The following C3orf52 variants were observed in gnomAD, a reference collection of about 807,000 sequenced individuals.
C3orf52 encodes chromosome 3 open reading frame 52, also known as TPA-induced transmembrane protein.
C3orf52 carries 22 observed loss-of-function variants against 24.8 expected under a neutral mutation model. That is an observed-to-expected ratio of 0.89 (90% CI 0.63 to 1.27). The LOEUF (loss-of-function observed/expected upper bound fraction) is 1.27, where lower values mean the gene tolerates loss of function less well. Ranked by LOEUF, C3orf52 falls within the 50% of genes most tolerant of loss-of-function variation. The pLI, the probability that C3orf52 is intolerant of heterozygous loss-of-function variation, is 0.00. For synonymous variants in C3orf52, 93 were observed against 100.2 expected (o/e 0.93, Z 0.43); for missense variants, 265 against 260.7 (o/e 1.02, Z -0.11).
At position 112,118,052 on chromosome 3, in the gene C3orf52, G is replaced by C. The variant is rs751742486; in HGVS notation, c.*1406G>C. ...AGATCATTGTCTCATTTTAGTGATT[G>C]TTCCTTAAACTAGTGAAACTAGTGG... On this transcript the variant is annotated 3_prime_UTR_variant, in exon 6 of 6. Transcript: ENST00000264848. 5 of 152,182 alleles carry C rather than the reference G, an allele frequency of 3.3e-5. No homozygotes were observed. The highest frequency in any genetic ancestry group is 7.3e-5 in the Non-Finnish European group (5 of 68,040). 9.4% of individuals were successfully genotyped at this position (152,182 alleles called of 1,614,324 possible).
At position 112,093,356 on chromosome 3, in the gene C3orf52, C is replaced by G. The variant is rs1393535294; in HGVS notation, c.139-4C>G. The G allele has an allele frequency of 1.2e-6, 2 of 1,613,608 alleles. No homozygotes were observed. The highest frequency in any genetic ancestry group is 1.7e-6 in the Non-Finnish European group (2 of 1,179,684). On this transcript the variant is annotated splice_polypyrimidine_tract_variant and splice_region_variant and intron_variant, in intron 1 of 5. Coordinates refer to ENST00000264848, the MANE Select transcript of C3orf52 (RefSeq NM_024616.3). ...TGCCTCACAATCTCCCTCTGCCTTT[C>G]TAGGCTAACAAGGAAAGCCCCTGGA...
intron 4 of C3orf52, among the ~76,000 whole-genome samples, chr3:112,110,451 T>C (rs1263783294): frequency 6.6e-6 from 1 of 152,248 alleles, no homozygotes; most frequent in African/African-American, 2.4e-5. Flanking sequence ...TTCCCTTCCA[T>C]GGAGGTAATA....
intron 2 of C3orf52, among the ~76,000 whole-genome samples, chr3:112,094,184 G>A (rs1420634648): frequency 3.3e-5 from 5 of 152,074 alleles, no homozygotes; most frequent in East Asian, 3.9e-4. Context: ...TAGTAGAGAC[G>A]GGGTTTTGCC....
intron 3 of C3orf52, among the ~76,000 whole-genome samples, chr3:112,108,314 T>G (rs978653914): frequency 1.1e-3 from 175 of 152,286 alleles, no homozygotes; most frequent in African/African-American, 3.8e-3. Flanking sequence ...TATTTTATAC[T>G]CCTCGGAGTG....
At chr3:112,090,725 A>G (rs1230158620) in intron 1 of C3orf52, among the ~76,000 whole-genome samples, 2 of 152,226 alleles carry the variant, frequency 1.3e-5, no homozygotes, top group African/African-American at 4.8e-5. Context: ...AAGGGACAGC[A>G]TAAATAAAGG....
rs1158089523 is a variant in C3orf52, at chr3:112,102,950, C to T, written c.381C>T (p.His127=). ...EECVAEEELP[H]LLTERLTDVY... The stretch of plus-strand genomic sequence containing the variant: ...GTGTTGCTGAAGAGGAATTGCCTCA[C>T]CTGCTCACCGAAAGGGTAATTCCAT... The change falls in exon 3 of 6, where the codon CAC becomes CAT. Residue 127 remains histidine (H), a synonymous_variant. Transcript: ENST00000264848. 7 of 1,612,468 alleles carry T rather than the reference C, an allele frequency of 4.3e-6. No homozygotes were observed. Among genetic ancestry groups the T allele is most frequent in the East Asian group, 4.5e-5 (2 of 44,858 alleles).
chr3:112,109,370 A>G (rs2074056376), intron 3 of C3orf52, among the ~76,000 whole-genome samples, 173 bp from the exon 4 acceptor site: 1 of 152,134 alleles, frequency 6.6e-6, no homozygotes, highest in Admixed American at 6.5e-5. Context: ...AGTAGCATTA[A>G]CTTGAGTTTT....
downstream of C3orf52, chr3:112,134,044 G>A (rs1463854483): frequency 6.6e-6 from 1 of 152,320 alleles, no homozygotes; most frequent in African/African-American, 2.4e-5. Context: ...AACATCAAGA[G>A]GAGAAGAAGC....
At chr3:112,133,121 C>T (rs753406337), downstream of C3orf52, 1 of 1,613,786 alleles carries the variant, frequency 6.2e-7, no homozygotes, top group Non-Finnish European at 8.5e-7. Flanking sequence ...AATTTCCCAT[C>T]CTCTCAGTCC....
chr3:112,110,207 C>T (rs929542526), intron 4 of C3orf52, among the ~76,000 whole-genome samples: 1 of 151,972 alleles, frequency 6.6e-6, no homozygotes, highest in African/African-American at 2.4e-5. Context: ...GTGGGTGCCT[C>T]TAATCCCAGC....
chr3:112,125,289 T>C, intron 4 of C3orf52: 1 of 1,486,874 alleles, frequency 6.7e-7, no homozygotes, highest in Non-Finnish European at 9.4e-7. Context: ...GAATTTCAGG[T>C]TATGGGGAGA....
At position 112,111,244 on chromosome 3, in the gene C3orf52, G is replaced by A. The variant is rs567389163; in HGVS notation, c.467+1631G>A. ...CAGACCCAGTGTACATGGTACTTACGGTGACATCTCTGCACTTTATTTCAA... is the reference window on the plus strand; with the variant it reads ...CAGACCCAGTGTACATGGTACTTACAGTGACATCTCTGCACTTTATTTCAA... On this transcript the variant is annotated intron_variant, in intron 4 of 5. Coordinates refer to ENST00000264848, the MANE Select transcript of C3orf52 (RefSeq NM_024616.3). Among the ~76,000 whole-genome samples the A allele has an allele frequency of 5.9e-5, 9 of 152,232 alleles. No individual in the cohort carries two copies. The East Asian group carries it at 1.2e-3, about 20-fold the overall frequency.
downstream of C3orf52, chr3:112,132,804 A>G (rs2074488770): frequency 1.3e-5 from 5 of 387,098 alleles, no homozygotes; most frequent in South Asian, 4.2e-4. Context: ...AAGTTGTTTC[A>G]TTTCTTAGGT....
chr3:112,117,669 A>G lies in C3orf52; in HGVS notation c.*1023A>G, dbSNP rs1018472549. 3 of 152,232 alleles carry G rather than the reference A, an allele frequency of 2.0e-5. No individual in the cohort carries two copies. The highest frequency in any genetic ancestry group is 2.1e-4 in the South Asian group (1 of 4,828). 9.4% of individuals were successfully genotyped at this position (152,232 alleles called of 1,614,324 possible). A position where few individuals can be genotyped will look rare whatever the true frequency, so the allele number is the denominator to read the frequency against. On this transcript the variant is annotated 3_prime_UTR_variant, in exon 6 of 6. Coordinates refer to ENST00000264848, the MANE Select transcript of C3orf52 (RefSeq NM_024616.3). Reference sequence around the variant, plus strand: ...CTGTTACAGATGGTTGTGATACAAGAAGAACCACTCTTCTTTGAAAATAAA... The same window carrying G: ...CTGTTACAGATGGTTGTGATACAAGGAGAACCACTCTTCTTTGAAAATAAA...
chr3:112,110,057 T>C (rs2074063983), intron 4 of C3orf52, among the ~76,000 whole-genome samples: 1 of 152,138 alleles, frequency 6.6e-6, no homozygotes, highest in Admixed American at 6.5e-5. Flanking sequence ...GGGCCGGGCG[T>C]GGTAGCTCAC....
chr3:112,086,992 C>A (rs2073835494), intron 1 of C3orf52, among the ~76,000 whole-genome samples: 1 of 152,166 alleles, frequency 6.6e-6, no homozygotes, highest in Non-Finnish European at 1.5e-5. Flanking sequence ...TCCCTCCCCT[C>A]CACCCACCTC....
At chr3:112,109,661 T>TC (rs139638398) in intron 4 of C3orf52, 48 bp downstream of exon 4, 1 of 1,138,868 alleles carries the variant, frequency 8.8e-7, no homozygotes, top group South Asian at 1.3e-5. Flanking sequence ...TGGAAAGAGA[T>TC]CCCCCCACCC....
At chr3:112,120,248 G>A (rs188308423), downstream of C3orf52, among the ~76,000 whole-genome samples, 377 of 152,320 alleles carry the variant, frequency 2.5e-3, 3 homozygotes, top group African/African-American at 8.7e-3. Flanking sequence ...AAAGAACAGA[G>A]ATAAGTGGAA....
chr3:112,120,873 T>C (rs2074181364), downstream of C3orf52: 1 of 152,330 alleles, frequency 6.6e-6, no homozygotes, highest in South Asian at 2.1e-4. Context: ...TACTGGAAAT[T>C]TGAGACATCC....
Sources: gnomAD v4.1 joint callset for allele counts (sites outside exome capture counted in the v4.1 genomes callset) on GRCh38, gnomAD v4.1.1 for gene constraint, MANE v1.5 for transcripts, NCBI Gene and HGNC (gene_info 2026-07-23, HGNC 2026-07-21) for gene names.